The following DAB1 variants were observed in gnomAD, a reference collection of about 807,000 sequenced individuals.
DAB1 encodes the protein disabled homolog 1.
Under a neutral mutation model 64.6 loss-of-function variants are expected in DAB1, and 15 were observed. The ratio of observed to expected loss-of-function variants is 0.23; its 90% confidence interval spans 0.16 to 0.36. The LOEUF is 0.36. Among genes scored for constraint, DAB1 ranks in the 10% least tolerant of loss-of-function variants. The probability of loss-of-function intolerance (pLI) is 1.00; values close to 1 mark genes in which losing one functional copy is unlikely to be tolerated. For missense variants in DAB1, 596 were observed against 706.7 expected (o/e 0.84, Z 1.78); for synonymous variants, 235 against 251.9 (o/e 0.93, Z 0.64).
intron 1 of DAB1, among the ~76,000 whole-genome samples, chr1:57,305,367 T>C (rs150204928): frequency 6.6e-6 from 1 of 152,290 alleles, no homozygotes; most frequent in Non-Finnish European, 1.5e-5. Context: ...GACTTTTCTC[T>C]CCTTTTTTCT....
chr1:57,143,272 C>T (rs1333971112), intron 3 of DAB1, among the ~76,000 whole-genome samples: 2 of 152,190 alleles, frequency 1.3e-5, no homozygotes, highest in Non-Finnish European at 2.9e-5. Flanking sequence ...AGAAAGCTCA[C>T]TGTGGCTGTG....
At chr1:58,311,776 C>T (rs1432388239) in intron 4 of DAB1, among the ~76,000 whole-genome samples, 1 of 152,132 alleles carries the variant, frequency 6.6e-6, no homozygotes, top group Non-Finnish European at 1.5e-5. Flanking sequence ...ATAAGTGCTA[C>T]CCCAGTAAGT....
chr1:57,296,689 T>C (rs560047361), intron 1 of DAB1, among the ~76,000 whole-genome samples: 3 of 152,118 alleles, frequency 2.0e-5, no homozygotes, highest in Admixed American at 1.3e-4. Flanking sequence ...AAAATAGAAA[T>C]CCACAAATCT....
intron 3 of DAB1, among the ~76,000 whole-genome samples, chr1:58,423,853 G>A (rs2100226823): frequency 6.6e-6 from 1 of 152,230 alleles, no homozygotes; most frequent in African/African-American, 2.4e-5. Flanking sequence ...GTTTAACCTT[G>A]CCCACAGCTC....
rs144459311 is a variant in DAB1 at position 58,300,818 on chromosome 1, G to A, written n.309+42534C>T. Among the ~76,000 whole-genome samples, 303 of 152,206 alleles carry A rather than the reference G, an allele frequency of 2.0e-3. 1 individual carries two copies. Among genetic ancestry groups the A allele is most frequent in the African/African-American group, 6.7e-3 (279 of 41,546 alleles). On this transcript the variant is annotated intron_variant and non_coding_transcript_variant, in intron 4 of 20. Coordinates refer to the DAB1 transcript ENST00000485760. ...CATACAGTTCTGCACATTGTGCTGT[G>A]TGCTGAGTGGGGGCAGTGAAAGGGC...
At position 57,536,938 on chromosome 1, in the gene DAB1, G is replaced by T. The variant is rs149329634; in HGVS notation, n.625+112654C>A. On this transcript the variant is annotated intron_variant and non_coding_transcript_variant, in intron 7 of 20. Transcript: ENST00000485760. The stretch of plus-strand genomic sequence containing the variant: ...GGCACCAGATGCTGGGGATGCAGAG[G>T]TGAACAACAGAGAGCCCTGCCCTTG... 4.7e-3 allele frequency among the ~76,000 whole-genome samples: 715 copies of T among 152,296 alleles called. 4 individuals carry two copies. The highest frequency in any genetic ancestry group is 8.5e-3 in the Non-Finnish European group (579 of 68,028).
At chr1:57,031,341 G>A (rs768638367) in intron 9 of DAB1, among the ~76,000 whole-genome samples, 1 of 152,128 alleles carries the variant, frequency 6.6e-6, no homozygotes, top group Non-Finnish European at 1.5e-5. Context: ...CCTTTTATTT[G>A]TAAGCTAATA....
At chr1:57,985,831 T>C (rs892778698) in intron 5 of DAB1, among the ~76,000 whole-genome samples, 1 of 152,122 alleles carries the variant, frequency 6.6e-6, no homozygotes, top group African/African-American at 2.4e-5. Context: ...TGCCCAAGAC[T>C]CAGGGACTCT....
At chr1:57,748,414 C>T (rs115549299) in intron 6 of DAB1, among the ~76,000 whole-genome samples, 1,668 of 152,094 alleles carry the variant, frequency 0.011, 40 homozygotes, top group African/African-American at 0.038. Context: ...AATGAGAATG[C>T]GATTATTACA....
chr1:58,141,242 C>A (rs1654266808), intron 5 of DAB1, among the ~76,000 whole-genome samples: 1 of 152,152 alleles, frequency 6.6e-6, no homozygotes, highest in Admixed American at 6.5e-5. Flanking sequence ...CACAGTTCCA[C>A]ATGGCTGGGG....
At chr1:57,249,423 T>A (rs1440691132) in intron 2 of DAB1, among the ~76,000 whole-genome samples, 6 of 152,158 alleles carry the variant, frequency 3.9e-5, no homozygotes, top group Admixed American at 3.9e-4. Context: ...CAGGCTGGAG[T>A]GCAGTGGCAT....
At chr1:57,418,020 T>A (rs912647804) in intron 1 of DAB1, among the ~76,000 whole-genome samples, 12 of 151,950 alleles carry the variant, frequency 7.9e-5, no homozygotes, top group Non-Finnish European at 1.5e-4. Flanking sequence ...GCTGTATACA[T>A]ATTTTCCATA....
chr1:58,036,830 G>A (rs769987386), intron 5 of DAB1, among the ~76,000 whole-genome samples: 2 of 152,138 alleles, frequency 1.3e-5, no homozygotes, highest in Non-Finnish European at 2.9e-5. Context: ...GCTATTTGTG[G>A]CAAGAAGCCT....
chr1:57,652,285 G>A (rs1468731021), intron 6 of DAB1, among the ~76,000 whole-genome samples: 1 of 151,820 alleles, frequency 6.6e-6, no homozygotes, highest in Non-Finnish European at 1.5e-5. Context: ...CCTCACCTGT[G>A]ACCAGCACTA....
At chr1:57,715,493 C>T (rs12136964) in intron 6 of DAB1, among the ~76,000 whole-genome samples, 44,238 of 151,950 alleles carry the variant, frequency 0.29, 7,059 homozygotes, top group South Asian at 0.48. Context: ...AAAAGGAAGC[C>T]AAATTGTTTC....
chr1:57,367,043 C>CAAAATAAAATAAAATAAAATAAAAT lies in DAB1; in HGVS notation c.-137+56862_-137+56886dup, dbSNP rs148354078. On this transcript the variant is annotated intron_variant, in intron 1 of 14. Coordinates refer to ENST00000371236, the MANE Select transcript of DAB1 (RefSeq NM_001365792.1). Reference sequence around the variant, plus strand: ...GCAACACAGTGAGACCCTGTCTCCACAAAATAAAATAAAATAAAATAAAAT... The same window carrying CAAAATAAAATAAAATAAAATAAAAT: ...GCAACACAGTGAGACCCTGTCTCCACAAAATAAAATAAAATAAAATAAAATAAAATAAAATAAAATAAAATAAAAT... Among the ~76,000 whole-genome samples, 534 of 91,704 alleles carry CAAAATAAAATAAAATAAAATAAAAT rather than the reference C, an allele frequency of 5.8e-3. 19 individuals carry two copies. The highest frequency in any genetic ancestry group is 0.01 in the Middle Eastern group (2 of 194). 60.2% of individuals were successfully genotyped at this position (91,704 alleles called of 152,430 possible).
At chr1:57,915,780 A>T (rs1644717742) in intron 5 of DAB1, among the ~76,000 whole-genome samples, 1 of 152,174 alleles carries the variant, frequency 6.6e-6, no homozygotes, top group East Asian at 1.9e-4. Context: ...CCTTCAGTCC[A>T]ATTCCCAATA....
At chr1:57,710,650 G>T (rs113211033) in intron 6 of DAB1, among the ~76,000 whole-genome samples, 3,691 of 146,970 alleles carry the variant, frequency 0.025, 102 homozygotes, top group South Asian at 0.12. Flanking sequence ...TGTTTTTTTT[G>T]GGGGGGGGAG....
At chr1:57,239,280 T>C (rs1249755416) in intron 2 of DAB1, among the ~76,000 whole-genome samples, 1 of 152,204 alleles carries the variant, frequency 6.6e-6, no homozygotes, top group African/African-American at 2.4e-5. Context: ...ACAGTCATCT[T>C]TTATCCCATC....
Sources: allele counts gnomAD v4.1 joint callset (sites outside exome capture counted in the v4.1 genomes callset), GRCh38; gene constraint gnomAD v4.1.1; transcripts MANE v1.5; gene names NCBI Gene and HGNC (gene_info 2026-07-23, HGNC 2026-07-21).